TMEM40: variants seen among roughly 807,000 people sequenced by gnomAD.
The protein encoded by TMEM40 is transmembrane protein 40.
TMEM40 carries 34 observed loss-of-function variants against 40.8 expected under a neutral mutation model. That is an observed-to-expected ratio of 0.83 (90% CI 0.63 to 1.11). The LOEUF (loss-of-function observed/expected upper bound fraction) is 1.11, where lower values mean the gene tolerates loss of function less well. Among genes scored for constraint, TMEM40 ranks in the 50% least tolerant of loss-of-function variants. The pLI is 0.00. For missense variants in TMEM40, 296 were observed against 280.2 expected (o/e 1.06, Z -0.40); for synonymous variants, 106 against 107.0 (o/e 0.99, Z 0.06).
At chr3:12,756,336 C>T (rs1389274421) in intron 1 of TMEM40, among the ~76,000 whole-genome samples, 1 of 152,114 alleles carries the variant, frequency 6.6e-6, no homozygotes, top group Non-Finnish European at 1.5e-5. Context: ...CATATCTATG[C>T]ATATGTATAT....
At chr3:12,748,559 G>A in intron 3 of TMEM40, 96 bp downstream of exon 3, 1 of 1,498,104 alleles carries the variant, frequency 6.7e-7, no homozygotes, top group Non-Finnish European at 9.0e-7. Context: ...CGGTATTGGA[G>A]TTTCAAGTAC....
chr3:12,747,910 C>CAAAAAAAAAAAAAA (rs747586371), intron 3 of TMEM40, among the ~76,000 whole-genome samples: 1 of 27,568 alleles, frequency 3.6e-5, no homozygotes, highest in African/African-American at 1.1e-4. Flanking sequence ...GATTCTGTCT[C>CAAAAAAAAAAAAAA]AAAAAAAAAA....
chr3:12,747,272 A>G (rs2061436427), intron 3 of TMEM40, among the ~76,000 whole-genome samples: 1 of 151,860 alleles, frequency 6.6e-6, no homozygotes, highest in Admixed American at 6.6e-5. Flanking sequence ...ATCATAGTGC[A>G]GGAGCTCTGG....
chr3:12,750,026 T>G (rs976180439), intron 1 of TMEM40, among the ~76,000 whole-genome samples, 186 bp from the exon 2 acceptor site: 1 of 150,900 alleles, frequency 6.6e-6, no homozygotes, highest in African/African-American at 2.4e-5. Context: ...GGGAGGAGGG[T>G]TAAGGGAGTG....
At chr3:12,764,451 C>A (rs1239738493) in intron 1 of TMEM40, among the ~76,000 whole-genome samples, 3 of 152,188 alleles carry the variant, frequency 2.0e-5, no homozygotes, top group Non-Finnish European at 2.9e-5. Context: ...TCTATGCCTT[C>A]ATGGAGAAAC....
intron 1 of TMEM40, among the ~76,000 whole-genome samples, chr3:12,768,433 G>A (rs553634182): frequency 2.8e-4 from 43 of 152,248 alleles, no homozygotes; most frequent in Non-Finnish European, 5.3e-4. Flanking sequence ...CGATTGGTCC[G>A]TTTTGACAGG....
intron 6 of TMEM40, 85 bp from the exon 7 acceptor site, chr3:12,738,253 AC>A (rs2061352965): frequency 6.7e-7 from 1 of 1,486,108 alleles, no homozygotes; most frequent in Admixed American, 1.8e-5. Context: ...GCTATAGGTG[AC>A]CTAAAAAAAT....
At chr3:12,757,624 C>G (rs1005242717) in intron 1 of TMEM40, among the ~76,000 whole-genome samples, 14 of 152,122 alleles carry the variant, frequency 9.2e-5, no homozygotes, top group African/African-American at 9.7e-5. Flanking sequence ...GAAACTGGAG[C>G]CCTCATACAT....
chr3:12,766,919 C>T (rs1037574813), intron 1 of TMEM40, among the ~76,000 whole-genome samples: 2 of 152,198 alleles, frequency 1.3e-5, no homozygotes, highest in Admixed American at 6.5e-5. Flanking sequence ...GAGAGATCTT[C>T]CCTTTCCCTA....
chr3:12,757,457 G>A (rs1575745893), intron 1 of TMEM40, among the ~76,000 whole-genome samples: 1 of 136,722 alleles, frequency 7.3e-6, no homozygotes, highest in South Asian at 2.3e-4. Context: ...CAACAAGACT[G>A]AAACTCCGTC....
Position 12,768,474 on chromosome 3 carries a change from C to T in TMEM40, c.-9+777G>A, listed in dbSNP as rs1268551711. Among the ~76,000 whole-genome samples the T allele has an allele frequency of 2.6e-5, 4 of 152,268 alleles. No homozygotes were observed. The East Asian group carries it at 7.7e-4, about 29-fold the overall frequency. On this transcript the variant is annotated intron_variant, in intron 1 of 11. Transcript: ENST00000264728. ...GATTGGTGCATTTACAATCCCTGAG[C>T]TAGACACAGAGTGCCGATTGGTGTA...
At chr3:12,767,970 C>T (rs984853649) in intron 1 of TMEM40, among the ~76,000 whole-genome samples, 7 of 152,240 alleles carry the variant, frequency 4.6e-5, no homozygotes, top group Non-Finnish European at 1.0e-4. Context: ...CCATCATTGC[C>T]CCTCAGCCAG....
At chr3:12,757,738 G>C (rs1187582078) in intron 1 of TMEM40, among the ~76,000 whole-genome samples, 3 of 152,192 alleles carry the variant, frequency 2.0e-5, no homozygotes, top group Non-Finnish European at 4.4e-5. Flanking sequence ...CCAATCCCTA[G>C]TATATTCGCA....
intron 5 of TMEM40, among the ~76,000 whole-genome samples, chr3:12,739,753 C>A (rs1246173597): frequency 1.3e-5 from 2 of 151,820 alleles, no homozygotes; most frequent in Non-Finnish European, 2.9e-5. Flanking sequence ...ATCCTGATTT[C>A]AGAAATATTC....
chr3:12,744,358 A>G (rs1318170353), intron 3 of TMEM40, among the ~76,000 whole-genome samples: 1 of 151,976 alleles, frequency 6.6e-6, no homozygotes, highest in Admixed American at 6.6e-5. Context: ...CTGGCTCTGG[A>G]TGTTTGCTGT....
chr3:12,737,609 G>T, intron 8 of TMEM40, 98 bp downstream of exon 8: 1 of 1,080,990 alleles, frequency 9.3e-7, no homozygotes, highest in Non-Finnish European at 1.4e-6. Context: ...CGACAGAGGT[G>T]GGCTATGATT....
At chr3:12,734,974 T>C (rs1330083123) in intron 11 of TMEM40, among the ~76,000 whole-genome samples, 181 bp from the exon 12 acceptor site, 1 of 152,186 alleles carries the variant, frequency 6.6e-6, no homozygotes, top group Non-Finnish European at 1.5e-5. Context: ...TTACATGGAT[T>C]AAAGGAGACA....
Position 12,743,972 on chromosome 3 carries a change from G to T in TMEM40, c.229C>A (p.Gln77Lys). ...TGTTTTCCGGTTGCTCTGGGTTGCT[G>T]GTCCTCATCATTGCTCTCTGCGGGT... ...SSSSESNDED[Q>K]QPRATGKHRR... Residue 77 changes from glutamine to lysine, a missense_variant, in exon 4 of 12, where the codon CAG becomes AAG. Transcript: ENST00000314124. The T allele has an allele frequency of 1.2e-6, 2 of 1,612,842 alleles. No homozygotes were observed. The highest frequency in any genetic ancestry group is 2.2e-5 in the South Asian group (2 of 90,514).
At chr3:12,749,929 A>G (rs1024384829) in intron 1 of TMEM40, 89 bp from the exon 2 acceptor site, 13 of 1,220,506 alleles carry the variant, frequency 1.1e-5, no homozygotes, top group Non-Finnish European at 1.5e-5. Flanking sequence ...AGAAAAAGAC[A>G]AACACTCAAC....
Sources: allele counts gnomAD v4.1 joint callset (sites outside exome capture counted in the v4.1 genomes callset), GRCh38; gene constraint gnomAD v4.1.1; transcripts MANE v1.5; gene names NCBI Gene and HGNC (gene_info 2026-07-23, HGNC 2026-07-21).